Variants in IRX2 observed in about 807,000 individuals in gnomAD.
IRX2 encodes iroquois homeobox 2.
Under a neutral mutation model 42.9 loss-of-function variants are expected in IRX2, and 26 were observed. The observed-to-expected ratio is 0.61, with a 90% CI of 0.44 to 0.84. The LOEUF (loss-of-function observed/expected upper bound fraction) is 0.84. Among genes scored for constraint, IRX2 ranks in the 40% least tolerant of loss-of-function variants. The pLI is 0.00. For synonymous variants in IRX2, 424 were observed against 353.9 expected, an observed-to-expected ratio of 1.20 and a Z score of -2.22; for missense variants, 782 against 713.9, an observed-to-expected ratio of 1.10 and a Z score of -1.09.
chr5:2,741,114 C>T (rs1175621421), downstream of IRX2, among the ~76,000 whole-genome samples: 1 of 152,246 alleles, frequency 6.6e-6, no homozygotes. Flanking sequence ...CGAGCCGGAC[C>T]GCAACGCCGC....
In IRX2 at chr5:2,751,520, C is replaced by CGG; in HGVS notation, c.-109_-108dup. 1 of 815,992 alleles carries CGG rather than the reference C, an allele frequency of 1.2e-6. No individual in the cohort carries two copies. Among genetic ancestry groups the CGG allele is most frequent in the Non-Finnish European group, 1.5e-6 (1 of 679,228 alleles). 50.5% of individuals were successfully genotyped at this position (815,992 alleles called of 1,614,324 possible). ...CGCGGCGCGGCGGCGGGCACCCGGA[C>CGG]GGCCGGCGGAGGCAGGCCGGCCCGG... On this transcript the variant is annotated 5_prime_UTR_variant, in exon 1 of 4. Coordinates refer to ENST00000302057, the MANE Select transcript of IRX2 (RefSeq NM_033267.5). The surrounding 1 kb of genome is among the most constrained non-coding windows in gnomAD (Gnocchi z 4.0).
chr5:2,750,552 G>A (rs769676268), intron 1 of IRX2, among the ~76,000 whole-genome samples: 16 of 152,230 alleles, frequency 1.1e-4, no homozygotes, highest in Non-Finnish European at 1.6e-4. Context: ...GGAGGACTCA[G>A]GCGGCCCTTA....
At chr5:2,739,867 G>A in the IRX2 span, among the ~76,000 whole-genome samples, 2 of 152,192 alleles carry the variant, frequency 1.3e-5, no homozygotes, top group African/African-American at 4.8e-5. Flanking sequence ...CCGGGGTCAG[G>A]GCGGGAGGAA....
downstream of IRX2, chr5:2,746,162 A>G (rs1737659463): frequency 6.6e-6 from 1 of 152,110 alleles, no homozygotes; most frequent in African/African-American, 2.4e-5. Flanking sequence ...CCCAAACATC[A>G]TATTATTGTA....
the IRX2 span, among the ~76,000 whole-genome samples, chr5:2,735,650 T>TA: frequency 5.9e-5 from 9 of 152,352 alleles, 1 homozygote; most frequent in South Asian, 1.7e-3. Flanking sequence ...AAATATTTTT[T>TA]AAAAAATCAA....
Position 2,748,384 on chromosome 5 carries a change from G to A in IRX2, c.1324C>T (p.His442Tyr). Residue 442 changes from histidine (H) to tyrosine (Y), a missense_variant, in exon 3 of 4, where the codon CAC becomes TAC. His to Tyr is a moderately conservative substitution (Grantham distance 83). Transcript: ENST00000302057. Reference protein sequence around the residue: ...GKAGAHPLESHYRSPGGGYEP... With the variant: ...GKAGAHPLESYYRSPGGGYEP... ...TAGCCGCCGCCCGGGGACCGGTAGT[G>A]GGACTCGAGCGGGTGCGCGCCCGCC... 1.4e-6 allele frequency: 2 copies of A among 1,475,800 alleles called. No homozygotes were observed. Among genetic ancestry groups the A allele is most frequent in the South Asian group, 1.3e-5 (1 of 76,328 alleles). The allele number at this position is 1,475,800 out of a possible 1,614,324, so 91.4% of individuals were successfully genotyped here. A position where few individuals can be genotyped will look rare whatever the true frequency, so the allele number is the denominator to read the frequency against.
Position 2,748,358 on chromosome 5 carries a change from G to T in IRX2, c.1350C>A (p.Tyr450Ter). 6.9e-7 allele frequency: 1 copy of T among 1,450,652 alleles called. No individual in the cohort carries two copies. The highest frequency in any genetic ancestry group is 9.0e-7 in the Non-Finnish European group (1 of 1,110,412). 89.9% of individuals were successfully genotyped at this position (1,450,652 alleles called of 1,614,324 possible). A position where few individuals can be genotyped will look rare whatever the true frequency, so the allele number is the denominator to read the frequency against. Reference sequence around the variant, plus strand: ...CGGGCCGCCTACCTTTCTTGGGCTCGTAGCCGCCGCCCGGGGACCGGTAGT... The same window carrying T: ...CGGGCCGCCTACCTTTCTTGGGCTCTTAGCCGCCGCCCGGGGACCGGTAGT... ...ESHYRSPGGGYEPKKDASEGC... is the reference protein window; with the variant it reads ...ESHYRSPGGG Residue 450 changes from tyrosine (Y) to a stop codon, truncating the protein, a stop_gained, in exon 3 of 4, where the codon TAC (tyrosine) becomes TAA (stop). Coordinates refer to ENST00000302057, the MANE Select transcript of IRX2 (RefSeq NM_033267.5). LOFTEE classifies it high-confidence loss of function.
Position 2,751,348 on chromosome 5 carries a change from G to C in IRX2, c.66C>G (p.Ala22=). 1 of 1,439,786 alleles carries C rather than the reference G, an allele frequency of 6.9e-7. No individual in the cohort carries two copies. 89.2% of individuals were successfully genotyped at this position (1,439,786 alleles called of 1,614,324 possible). A position where few individuals can be genotyped will look rare whatever the true frequency, so the allele number is the denominator to read the frequency against. Residue 22 remains alanine, a synonymous_variant, in exon 1 of 4, where the codon GCC becomes GCG. Transcript: ENST00000302057. This position sits in a 1 kb window ranked among gnomAD's most constrained non-coding sequence, Gnocchi z 4.0. ...PGSLALYSCP[A]YGASALAAPR... ...GAGCCGCCAAAGCCGACGCGCCGTA[G>C]GCCGGGCACGAGTAGAGCGCCAGCG...
downstream of IRX2, among the ~76,000 whole-genome samples, chr5:2,743,412 GCCCCCGGC>G (rs1737585962): frequency 6.6e-6 from 1 of 152,184 alleles, no homozygotes; most frequent in Non-Finnish European, 1.5e-5. Flanking sequence ...GCTCTCGGCA[GCCCCCGGC>G]CCCCGGGGCC....
At position 2,747,465 on chromosome 5, in the gene IRX2, A is replaced by G; in HGVS notation, c.*99T>C. ...TCTGTCTTCTAACCCCATGACCAGA[A>G]GCAAGAAAAACACATTAAGCAAGTT... On this transcript the variant is annotated 3_prime_UTR_variant, in exon 4 of 4. Transcript: ENST00000302057. The G allele has an allele frequency of 3.0e-6, 3 of 992,486 alleles. No homozygotes were observed. The highest frequency in any genetic ancestry group is 4.7e-6 in the Non-Finnish European group (3 of 634,134). The allele number at this position is 992,486 out of a possible 1,614,324, so 61.5% of individuals were successfully genotyped here.
chr5:2,737,875 G>A, the IRX2 span: 1 of 152,134 alleles, frequency 6.6e-6, no homozygotes, highest in Admixed American at 6.5e-5. Context: ...TTTTTCACCA[G>A]GGGCTTTTCC....
At chr5:2,741,490 G>T (rs935395131), downstream of IRX2, among the ~76,000 whole-genome samples, 2 of 152,160 alleles carry the variant, frequency 1.3e-5, no homozygotes, top group African/African-American at 2.4e-5. Context: ...AAGGAGGAGA[G>T]GTGTAGGGGT....
At chr5:2,743,067 G>A (rs926116452), downstream of IRX2, among the ~76,000 whole-genome samples, 4 of 152,138 alleles carry the variant, frequency 2.6e-5, no homozygotes, top group Admixed American at 6.5e-5. Flanking sequence ...AGCCTCAGGG[G>A]AACCCCGAGC....
In IRX2 at chr5:2,748,754, C is replaced by A; in HGVS notation, c.954G>T (p.Pro318=). Residue 318 remains proline (P), a synonymous_variant, in exon 3 of 4, where the codon CCG becomes CCT. Transcript: ENST00000302057. ...GCTTGCTGGCGGGGGGCGGCGCGCC[C>A]GGAGACGTCCGGCTGCCCTGGGGCG... ...RKTPQGSRTS[P]GAPPPASKPK... 2 of 1,361,742 alleles carry A rather than the reference C, an allele frequency of 1.5e-6. No homozygotes were observed. The highest frequency in any genetic ancestry group is 1.8e-5 in the South Asian group (1 of 55,250). The allele number at this position is 1,361,742 out of a possible 1,614,324, so 84.4% of individuals were successfully genotyped here. A position where few individuals can be genotyped will look rare whatever the true frequency, so the allele number is the denominator to read the frequency against.
At chr5:2,745,077 T>C (rs914831385), downstream of IRX2, among the ~76,000 whole-genome samples, 5 of 152,244 alleles carry the variant, frequency 3.3e-5, no homozygotes, top group African/African-American at 1.2e-4. Context: ...CACATTGGCC[T>C]ATCGGAGCTG....
rs766119951 is a variant in IRX2 at position 2,748,946 on chromosome 5, C to G, written c.762G>C (p.Ser254=). ...GGTCGTCATACTTGTCCTTGCACTCCGAGCCCGATTCGCACAGGGGGTCCC... is the reference window on the plus strand; with the variant it reads ...GGTCGTCATACTTGTCCTTGCACTCGGAGCCCGATTCGCACAGGGGGTCCC... ...RAGDPLCESG[S]ECKDKYDDLE... is the part of the protein sequence containing the mutation. Residue 254 remains serine (S), a synonymous_variant, in exon 3 of 4, where the codon TCG becomes TCC. Transcript: ENST00000302057. 3 of 1,597,408 alleles carry G rather than the reference C, an allele frequency of 1.9e-6. No homozygotes were observed. The highest frequency in any genetic ancestry group is 1.1e-5 in the South Asian group (1 of 90,924).
downstream of IRX2, among the ~76,000 whole-genome samples, chr5:2,744,600 C>T (rs913345777): frequency 5.3e-5 from 8 of 152,212 alleles, no homozygotes; most frequent in African/African-American, 1.9e-4. Flanking sequence ...ACCCTCCAGA[C>T]CTCAGATGTG....
At position 2,747,405 on chromosome 5, in the gene IRX2, C is replaced by G. The variant is rs948241011; in HGVS notation, c.*159G>C. 3 of 583,800 alleles carry G rather than the reference C, an allele frequency of 5.1e-6. No homozygotes were observed. The highest frequency in any genetic ancestry group is 9.2e-6 in the Non-Finnish European group (3 of 327,142). The allele number at this position is 583,800 out of a possible 1,614,324, so 36.2% of individuals were successfully genotyped here. A position where few individuals can be genotyped will look rare whatever the true frequency, so the allele number is the denominator to read the frequency against. The stretch of plus-strand genomic sequence containing the variant: ...ATAAAACAGAAAATATAGTTTCCCC[C>G]TTAAGGAAAGAAAAGCTGGACAAGA... On this transcript the variant is annotated 3_prime_UTR_variant, in exon 4 of 4. Coordinates refer to ENST00000302057, the MANE Select transcript of IRX2 (RefSeq NM_033267.5).
In IRX2 at chr5:2,750,471, G is replaced by A. The variant is rs117239041; in HGVS notation, c.250-684C>T. Among the ~76,000 whole-genome samples, 274 of 152,320 alleles carry A rather than the reference G, an allele frequency of 1.8e-3. 5 individuals are homozygous for A. In the East Asian group the frequency reaches 0.026, roughly 14 times the overall value. On this transcript the variant is annotated intron_variant, in intron 1 of 3. Coordinates refer to ENST00000302057, the MANE Select transcript of IRX2 (RefSeq NM_033267.5). ...CGTGCTTCGCCGCGGCCCGGGCCTGGCCCAGCTCAGTAACCTCGAGACTCG... is the reference window on the plus strand; with the variant it reads ...CGTGCTTCGCCGCGGCCCGGGCCTGACCCAGCTCAGTAACCTCGAGACTCG...
Sources: gnomAD v4.1 joint callset for allele counts (sites outside exome capture counted in the v4.1 genomes callset) on GRCh38, gnomAD v4.1.1 for gene constraint, Gnocchi (gnomAD v3.1) non-coding constraint, MANE v1.5 for transcripts, NCBI Gene and HGNC (gene_info 2026-07-23, HGNC 2026-07-21) for gene names.